PDGFC: variants seen among roughly 807,000 people sequenced by gnomAD.
PDGFC encodes platelet-derived growth factor C.
Under a neutral mutation model 35.5 loss-of-function variants are expected in PDGFC, and 12 were observed. The ratio of observed to expected loss-of-function variants is 0.34; its 90% CI spans 0.22 to 0.55. The LOEUF (loss-of-function observed/expected upper bound fraction) is 0.55, where lower values mean the gene tolerates loss of function less well. Ranked by LOEUF, PDGFC falls within the 20% of genes least tolerant of loss-of-function variation. The probability of loss-of-function intolerance (pLI) is 0.91; values close to 1 mark genes in which losing one functional copy is unlikely to be tolerated. For missense variants in PDGFC, 322 were observed against 412.4 expected, an observed-to-expected ratio of 0.78 and a Z score of 1.90; for synonymous variants, 159 against 148.8, an observed-to-expected ratio of 1.07 and a Z score of -0.50.
chr4:156,950,740 A>AC (rs2110936813), intron 1 of PDGFC, among the ~76,000 whole-genome samples: 1 of 151,952 alleles, frequency 6.6e-6, no homozygotes, highest in Admixed American at 6.6e-5. Context: ...ATCTATTTAT[A>AC]CCCACAAATA....
chr4:156,787,103 A>C (rs1731149390), intron 3 of PDGFC, among the ~76,000 whole-genome samples: 1 of 152,224 alleles, frequency 6.6e-6, no homozygotes. Context: ...CAAGATTGTC[A>C]AATGAATGTT....
intron 1 of PDGFC, among the ~76,000 whole-genome samples, chr4:156,884,225 T>TCTTTCTCAG: frequency 6.6e-6 from 1 of 152,292 alleles, no homozygotes; most frequent in East Asian, 1.9e-4. Flanking sequence ...CTGACTTCCT[T>TCTTTCTCAG]CTTTCTCAGC....
At chr4:156,811,069 C>A in intron 2 of PDGFC, 52 bp from the exon 3 acceptor site, 1 of 1,255,438 alleles carries the variant, frequency 8.0e-7, no homozygotes, top group Non-Finnish European at 1.1e-6. Flanking sequence ...GTTATTCTGG[C>A]AATTACAAGT....
intron 1 of PDGFC, among the ~76,000 whole-genome samples, chr4:156,932,898 A>T (rs957664969): frequency 1.2e-4 from 18 of 146,908 alleles, no homozygotes; most frequent in East Asian, 2.0e-4. Flanking sequence ...AGGTATAATT[A>T]AAAAAAAAAA....
At position 156,804,334 on chromosome 4, in the gene PDGFC, T is replaced by C. The variant is rs190762072; in HGVS notation, c.495+6503A>G. On this transcript the variant is annotated intron_variant, in intron 3 of 5. Transcript: ENST00000502773. Reference sequence around the variant, plus strand: ...GCATATCTGATGAAAACACAGATAATTGAGTATCACCCCAGACCAAGAAAA... The same window carrying C: ...GCATATCTGATGAAAACACAGATAACTGAGTATCACCCCAGACCAAGAAAA... Among the ~76,000 whole-genome samples the C allele has an allele frequency of 3.8e-4, 58 of 152,156 alleles. 1 individual carries two copies. In the East Asian group the frequency reaches 4.8e-3, roughly 13 times the overall value.
intron 1 of PDGFC, among the ~76,000 whole-genome samples, chr4:156,853,149 C>T (rs546089684): frequency 3.3e-5 from 5 of 152,316 alleles, no homozygotes; most frequent in African/African-American, 2.4e-5. Flanking sequence ...GCACACAAAG[C>T]TGTTTGAATT....
chr4:156,799,844 G>T (rs978502758), intron 3 of PDGFC, among the ~76,000 whole-genome samples: 1 of 151,966 alleles, frequency 6.6e-6, no homozygotes, highest in African/African-American at 2.4e-5. Flanking sequence ...ATTACCGTGT[G>T]GAGACACTAC....
intron 1 of PDGFC, among the ~76,000 whole-genome samples, chr4:156,914,634 T>C (rs1307280751): frequency 6.6e-6 from 1 of 152,154 alleles, no homozygotes; most frequent in African/African-American, 2.4e-5. Context: ...AGTTGATCCA[T>C]GTGTTGGTAG....
intron 1 of PDGFC, among the ~76,000 whole-genome samples, chr4:156,937,077 A>G (rs1356331450): frequency 2.0e-5 from 3 of 152,218 alleles, no homozygotes; most frequent in African/African-American, 7.2e-5. Context: ...GCATATGGAC[A>G]GATGAGTCTG....
chr4:156,830,249 TAA>T (rs59515143), intron 2 of PDGFC, among the ~76,000 whole-genome samples: 13 of 142,676 alleles, frequency 9.1e-5, no homozygotes, highest in Middle Eastern at 3.7e-3. Flanking sequence ...GGAATTGCAT[TAA>T]AAAAAAAAAA....
intron 1 of PDGFC, among the ~76,000 whole-genome samples, chr4:156,866,545 G>A (rs1242000415): frequency 1.3e-5 from 2 of 151,370 alleles, no homozygotes; most frequent in Non-Finnish European, 2.9e-5. Context: ...GGGTGTGTGC[G>A]TGTGTGTGTG....
At position 156,767,780 on chromosome 4, in the gene PDGFC, T is replaced by C; in HGVS notation, c.914A>G (p.Tyr305Cys). ...AGAAAATTGTATACCTACCTCGTGG[T>C]ATTTTTTAGTAACTTTGCTTGGGAC... is the stretch of plus-strand genomic sequence containing the variant. ...QCVPSKVTKK[Y>C]HEVLQLRPKT... Residue 305 changes from tyrosine (Y) to cysteine (C), a missense_variant, in exon 5 of 6, where the codon TAC (tyrosine) becomes TGC (cysteine). Transcript: ENST00000502773. The C allele has an allele frequency of 6.2e-7, 1 of 1,605,754 alleles. No individual in the cohort carries two copies. Among genetic ancestry groups the C allele is most frequent in the Non-Finnish European group, 8.5e-7 (1 of 1,172,602 alleles).
At chr4:156,970,095 C>T (rs960026777) in intron 1 of PDGFC, among the ~76,000 whole-genome samples, 3 of 152,170 alleles carry the variant, frequency 2.0e-5, no homozygotes, top group South Asian at 2.1e-4. Context: ...ATTTCAGGTA[C>T]ACTTGAAAGC....
chr4:156,776,523 TA>T (rs1389004747), intron 3 of PDGFC, among the ~76,000 whole-genome samples: 2 of 152,230 alleles, frequency 1.3e-5, no homozygotes, highest in African/African-American at 4.8e-5. Context: ...TGCAGGGCAG[TA>T]ATGACAAGCT....
At chr4:156,812,049 T>C (rs188680794) in intron 2 of PDGFC, among the ~76,000 whole-genome samples, 90 of 152,188 alleles carry the variant, frequency 5.9e-4, no homozygotes, top group Non-Finnish European at 6.8e-4. Flanking sequence ...AACGCATATA[T>C]GTTTTGCACT....
intron 3 of PDGFC, among the ~76,000 whole-genome samples, chr4:156,799,373 A>G (rs999197276): frequency 6.6e-6 from 1 of 152,186 alleles, no homozygotes; most frequent in African/African-American, 2.4e-5. Context: ...TTGGTGGCCT[A>G]CATGTGGTCA....
intron 2 of PDGFC, among the ~76,000 whole-genome samples, chr4:156,849,014 TAGG>T (rs1259633333): frequency 6.6e-6 from 1 of 152,010 alleles, no homozygotes; most frequent in Non-Finnish European, 1.5e-5. Context: ...ACTTTGCAAG[TAGG>T]GCAAAATCTT....
intron 1 of PDGFC, among the ~76,000 whole-genome samples, chr4:156,962,173 G>C: frequency 6.6e-6 from 1 of 152,098 alleles, no homozygotes; most frequent in East Asian, 1.9e-4. Flanking sequence ...GAATGCATAG[G>C]TCTAGGACAT....
chr4:156,953,773 A>C (rs1226602712), intron 1 of PDGFC, among the ~76,000 whole-genome samples: 3 of 151,924 alleles, frequency 2.0e-5, no homozygotes, highest in African/African-American at 7.2e-5. Context: ...ATTGAGCTTT[A>C]CCCATCTAAG....
Sources: gnomAD v4.1 joint callset for allele counts (sites outside exome capture counted in the v4.1 genomes callset) on GRCh38, gnomAD v4.1.1 for gene constraint, MANE v1.5 for transcripts, NCBI Gene and HGNC (gene_info 2026-07-23, HGNC 2026-07-21) for gene names.